LANCL2: variants seen among roughly 807,000 people sequenced by gnomAD.
LANCL2 encodes lanC-like protein 2.
LANCL2 carries 33 observed loss-of-function variants against 56.9 expected under a neutral mutation model. That is an observed-to-expected ratio of 0.58 (90% confidence interval 0.44 to 0.78). The LOEUF is 0.78. Ranked by LOEUF, LANCL2 falls within the 30% of genes least tolerant of loss-of-function variation. The probability of loss-of-function intolerance (pLI) is 0.00; values close to 1 mark genes in which losing one functional copy is unlikely to be tolerated. For missense variants in LANCL2, 562 were observed against 580.2 expected, an observed-to-expected ratio of 0.97 and a Z score of 0.32; for synonymous variants, 233 against 228.2, an observed-to-expected ratio of 1.02 and a Z score of -0.19.
At chr7:55,402,956 T>G in intron 5 of LANCL2, among the ~76,000 whole-genome samples, 1 of 144,934 alleles carries the variant, frequency 6.9e-6, no homozygotes, top group South Asian at 2.2e-4. Flanking sequence ...CTTTCCAGAC[T>G]GGGCAGCCAG....
At chr7:55,424,502 A>G (rs1364401281) in intron 6 of LANCL2, among the ~76,000 whole-genome samples, 1 of 152,186 alleles carries the variant, frequency 6.6e-6, no homozygotes, top group African/African-American at 2.4e-5. Context: ...CACTCTCTCG[A>G]TTGCCTTCTA....
rs1790016478 is a variant in LANCL2, at chr7:55,377,488, G to A, written c.204+11259G>A. The stretch of plus-strand genomic sequence containing the variant: ...TATTCCCCCTTCCCCCTCCTCTTCT[G>A]TCTCGTCTTCCCAACCTCCCGTCCC... On this transcript the variant is annotated intron_variant, in intron 1 of 8. Coordinates refer to ENST00000254770, the MANE Select transcript of LANCL2 (RefSeq NM_018697.4). Among the ~76,000 whole-genome samples the A allele has an allele frequency of 4.0e-5, 6 of 149,122 alleles. No individual in the cohort carries two copies. The South Asian group carries it at 1.3e-3, about 32-fold the overall frequency.
chr7:55,367,942 A>G (rs1194235165), intron 1 of LANCL2, among the ~76,000 whole-genome samples: 1 of 152,222 alleles, frequency 6.6e-6, no homozygotes, highest in Non-Finnish European at 1.5e-5. Flanking sequence ...ATTTTTACAT[A>G]CAAATATGTG....
At chr7:55,394,929 A>G (rs1790233094) in intron 2 of LANCL2, among the ~76,000 whole-genome samples, 1 of 152,140 alleles carries the variant, frequency 6.6e-6, no homozygotes, top group South Asian at 2.1e-4. Flanking sequence ...GCTTGCGGAG[A>G]AGCAGGTTTA....
intron 5 of LANCL2, among the ~76,000 whole-genome samples, chr7:55,401,588 G>A (rs1407222275): frequency 2.2e-5 from 2 of 91,782 alleles, no homozygotes; most frequent in African/African-American, 4.5e-5. Context: ...GGTGTTTCTC[G>A]CAGAGGGGGA....
At chr7:55,386,239 C>A (rs1463558281) in intron 1 of LANCL2, among the ~76,000 whole-genome samples, 2 of 152,168 alleles carry the variant, frequency 1.3e-5, no homozygotes, top group Non-Finnish European at 1.5e-5. Context: ...TAGGAAATCA[C>A]AAGGATATTG....
At chr7:55,367,076 C>T (rs1296233573) in intron 1 of LANCL2, among the ~76,000 whole-genome samples, 1 of 152,172 alleles carries the variant, frequency 6.6e-6, no homozygotes, top group Non-Finnish European at 1.5e-5. Flanking sequence ...TTCTGTTTTT[C>T]AAGTGCTTTT....
rs771039477 is a variant in LANCL2 at position 55,366,049 on chromosome 7, G to C, written c.24G>C (p.Arg8Ser). The change falls in exon 1 of 9, where the codon AGG becomes AGC. Residue 8 changes from arginine (R) to serine (S), a missense_variant. Transcript: ENST00000254770. The part of the protein sequence containing the change: MGETMSK[R>S]LKLHLGGEAE... ...AGATGGGCGAGACCATGTCAAAGAG[G>C]CTGAAGCTCCACCTGGGAGGGGAGG... 1.1e-4 allele frequency: 164 copies of C among 1,515,266 alleles called. No individual in the cohort carries two copies. Among genetic ancestry groups the C allele is most frequent in the Middle Eastern group, 1.7e-4 (1 of 5,810 alleles). 93.9% of individuals were successfully genotyped at this position (1,515,266 alleles called of 1,614,324 possible). A position where few individuals can be genotyped will look rare whatever the true frequency, so the allele number is the denominator to read the frequency against.
intron 4 of LANCL2, among the ~76,000 whole-genome samples, chr7:55,400,916 CTT>C (rs376513831): frequency 6.6e-6 from 1 of 152,126 alleles, no homozygotes; most frequent in African/African-American, 2.4e-5. Flanking sequence ...TTTTCGTTGA[CTT>C]TTTATGCAAA....
chr7:55,382,847 T>A (rs1223756272), intron 1 of LANCL2, among the ~76,000 whole-genome samples: 1 of 152,262 alleles, frequency 6.6e-6, no homozygotes, highest in Non-Finnish European at 1.5e-5. Flanking sequence ...TCCTACACCA[T>A]AATTTCTAAT....
intron 3 of LANCL2, 47 bp downstream of exon 3, chr7:55,398,677 C>A (rs371131402): frequency 1.0e-4 from 141 of 1,402,844 alleles, no homozygotes; most frequent in Non-Finnish European, 1.3e-4. Context: ...CCAGTGGAAG[C>A]TCTTGCTGTA....
At chr7:55,386,103 G>A (rs992064642) in intron 1 of LANCL2, among the ~76,000 whole-genome samples, 9 of 152,044 alleles carry the variant, frequency 5.9e-5, no homozygotes, top group African/African-American at 1.4e-4. Flanking sequence ...CAGGGTGCCC[G>A]CATTTCATAT....
intron 6 of LANCL2, among the ~76,000 whole-genome samples, chr7:55,413,075 A>G (rs1242132777): frequency 6.6e-6 from 1 of 152,256 alleles, no homozygotes; most frequent in Non-Finnish European, 1.5e-5. Flanking sequence ...ATAAGATATG[A>G]TCATTCAAGA....
intron 1 of LANCL2, among the ~76,000 whole-genome samples, chr7:55,390,086 G>T (rs1053299439): frequency 6.6e-6 from 1 of 152,146 alleles, no homozygotes; most frequent in African/African-American, 2.4e-5. Flanking sequence ...AGCCCTAATT[G>T]TGCAGAAACC....
chr7:55,367,332 G>A (rs1222940481), intron 1 of LANCL2, among the ~76,000 whole-genome samples: 1 of 152,110 alleles, frequency 6.6e-6, no homozygotes, highest in Non-Finnish European at 1.5e-5. Context: ...TTCATATTTG[G>A]CTAAAACTAA....
chr7:55,410,046 A>C (rs567764831), intron 5 of LANCL2, among the ~76,000 whole-genome samples: 1 of 152,342 alleles, frequency 6.6e-6, no homozygotes, highest in African/African-American at 2.4e-5. Flanking sequence ...CATCTGCCAC[A>C]AGGGGAAACC....
At position 55,402,680 on chromosome 7, in the gene LANCL2, C is replaced by T. The variant is rs1380278501; in HGVS notation, c.825+1360C>T. Among the ~76,000 whole-genome samples the T allele has an allele frequency of 3.2e-5, 4 of 123,486 alleles. 2 individuals are homozygous for T. The highest frequency in any genetic ancestry group is 1.5e-4 in the Admixed American group (2 of 13,754). The allele number at this position is 123,486 out of a possible 152,430, so 81.0% of individuals were successfully genotyped here. A position where few individuals can be genotyped will look rare whatever the true frequency, so the allele number is the denominator to read the frequency against. Reference sequence around the variant, plus strand: ...CCCCCCACCTCCCTTCCGGACGGGGCGGCTGGCCGGGCGGGGGGCTGACCC... The same window carrying T: ...CCCCCCACCTCCCTTCCGGACGGGGTGGCTGGCCGGGCGGGGGGCTGACCC... On this transcript the variant is annotated intron_variant, in intron 5 of 8. Transcript: ENST00000254770.
intron 4 of LANCL2, 85 bp from the exon 5 acceptor site, chr7:55,401,089 T>A: frequency 3.5e-6 from 4 of 1,127,346 alleles, no homozygotes; most frequent in Non-Finnish European, 5.2e-6. Flanking sequence ...TCTATATATG[T>A]CATATATATA....
chr7:55,397,827 CA>C, intron 2 of LANCL2, among the ~76,000 whole-genome samples: 1 of 151,944 alleles, frequency 6.6e-6, no homozygotes, highest in East Asian at 1.9e-4. Context: ...GGTGGTGAAC[CA>C]CACACGCCCT....
Sources: allele counts gnomAD v4.1 joint callset (sites outside exome capture counted in the v4.1 genomes callset), GRCh38; gene constraint gnomAD v4.1.1; transcripts MANE v1.5; gene names NCBI Gene and HGNC (gene_info 2026-07-23, HGNC 2026-07-21).